Variants in SMIM21 observed in about 807,000 individuals in gnomAD.
SMIM21 encodes the protein chromosome 18 open reading frame 62.
Under a neutral mutation model 8.6 loss-of-function variants are expected in SMIM21, and 8 were observed. The ratio of observed to expected loss-of-function variants is 0.93; its 90% confidence interval spans 0.55 to 1.68. The LOEUF (loss-of-function observed/expected upper bound fraction) is 1.68. Ranked by LOEUF, SMIM21 falls within the 40% of genes most tolerant of loss-of-function variation. The pLI is 0.00. For missense variants in SMIM21, 132 were observed against 123.0 expected (o/e 1.07, Z -0.35); for synonymous variants, 43 against 41.7 (o/e 1.03, Z -0.12).
chr18:75,424,982 C>G (rs1024769135), intron 1 of SMIM21, among the ~76,000 whole-genome samples: 3 of 152,188 alleles, frequency 2.0e-5, no homozygotes, highest in Non-Finnish European at 2.9e-5. Flanking sequence ...ACAGGCCAAG[C>G]CTGGTAGTGG....
intron 2 of SMIM21, among the ~76,000 whole-genome samples, chr18:75,414,106 C>CACAT (rs2024615432): frequency 1.4e-5 from 2 of 139,914 alleles, no homozygotes; most frequent in Admixed American, 7.1e-5. Flanking sequence ...CATACACACA[C>CACAT]ACACACACAC....
chr18:75,417,455 A>G (rs2024658835), intron 2 of SMIM21: 1 of 152,192 alleles, frequency 6.6e-6, no homozygotes, highest in South Asian at 2.1e-4. Context: ...AACTCATGGG[A>G]TATTGGCTTG....
chr18:75,424,216 G>A (rs933079204), intron 1 of SMIM21, among the ~76,000 whole-genome samples: 2 of 152,130 alleles, frequency 1.3e-5, no homozygotes. Flanking sequence ...AAAATAAGTA[G>A]CAAATACAAT....
chr18:75,419,832 T>C (rs2024690350), intron 1 of SMIM21, among the ~76,000 whole-genome samples: 1 of 152,222 alleles, frequency 6.6e-6, no homozygotes, highest in Non-Finnish European at 1.5e-5. Flanking sequence ...TTATCCTTTC[T>C]GTGGCTGGTG....
At chr18:75,413,108 A>C (rs2024600452) in intron 2 of SMIM21, among the ~76,000 whole-genome samples, 4 of 151,718 alleles carry the variant, frequency 2.6e-5, no homozygotes, top group Admixed American at 2.6e-4. Flanking sequence ...CTCCACGCTG[A>C]TGCTCCTGGG....
chr18:75,426,300 TTTG>T (rs777973778), intron 1 of SMIM21, among the ~76,000 whole-genome samples: 40,181 of 151,744 alleles, frequency 0.26, 6,346 homozygotes, highest in Middle Eastern at 0.37. Context: ...TATTTGTTTG[TTTG>T]TTTGTTTGTT....
chr18:75,422,590 T>C (rs1267198675), intron 1 of SMIM21, among the ~76,000 whole-genome samples: 2 of 152,184 alleles, frequency 1.3e-5, no homozygotes, highest in African/African-American at 4.8e-5. Context: ...TGAATGGATA[T>C]ACTAAATTTG....
At chr18:75,412,530 G>T (rs1236596991) in intron 2 of SMIM21, 2 of 152,232 alleles carry the variant, frequency 1.3e-5, no homozygotes, top group Admixed American at 1.3e-4. Context: ...GGATGCTGCT[G>T]AGAATCGGGC....
intron 2 of SMIM21, 86 bp downstream of exon 2, chr18:75,418,700 T>TG (rs1460419114): frequency 1.5e-6 from 2 of 1,332,300 alleles, no homozygotes; most frequent in South Asian, 3.6e-5. Flanking sequence ...ATGTTCTAGT[T>TG]TTTTTTTAAC....
rs774551341 is a variant in SMIM21, at chr18:75,418,892, A to C, written c.154T>G (p.Phe52Val). ...TTFENEHHIR[F>V]FTLLVLFHVM... ...TGGAAAAGAACCAACAATGTGAAGA[A>C]ACGAATATGGTGTTCATTTTCAAAC... The change falls in exon 2 of 3, where the codon TTC becomes GTC. Residue 52 changes from phenylalanine to valine, a missense_variant. Phe to Val is a conservative substitution (Grantham distance 50). Transcript: ENST00000579022. The C allele has an allele frequency of 5.0e-6, 8 of 1,602,186 alleles. No individual in the cohort carries two copies. The highest frequency in any genetic ancestry group is 6.8e-6 in the Non-Finnish European group (8 of 1,169,250).
chr18:75,415,658 C>G (rs2024636292), intron 2 of SMIM21, among the ~76,000 whole-genome samples: 2 of 152,330 alleles, frequency 1.3e-5, no homozygotes, highest in South Asian at 4.1e-4. Flanking sequence ...CACACACAGA[C>G]TCAACTAAAG....
At chr18:75,417,734 T>A (rs2144552126) in intron 2 of SMIM21, 1 of 152,572 alleles carries the variant, frequency 6.6e-6, no homozygotes, top group African/African-American at 2.4e-5. Context: ...CCAGGAGAAA[T>A]GTTGGCCGCA....
At chr18:75,424,263 G>A (rs1411568666) in intron 1 of SMIM21, among the ~76,000 whole-genome samples, 1 of 152,092 alleles carries the variant, frequency 6.6e-6, no homozygotes, top group Non-Finnish European at 1.5e-5. Context: ...ATTTTATTAC[G>A]GGTGTCCACG....
rs769525719 is a variant in SMIM21, at chr18:75,418,921, A to G, written c.130-5T>C. ...AATATGGTGTTCATTTTCAAACTGA[A>G]AAAGGAAATAATTACAGTTACTATT... is the stretch of plus-strand genomic sequence containing the variant. On this transcript the variant is annotated splice_region_variant and splice_polypyrimidine_tract_variant and intron_variant, in intron 1 of 2. Coordinates refer to ENST00000579022, the MANE Select transcript of SMIM21 (RefSeq NM_001037331.3). 17 of 1,579,950 alleles carry G rather than the reference A, an allele frequency of 1.1e-5. No individual in the cohort carries two copies. The South Asian group carries it at 1.7e-4, about 16-fold the overall frequency.
intron 1 of SMIM21, among the ~76,000 whole-genome samples, chr18:75,420,425 T>G (rs1371948926): frequency 6.6e-6 from 1 of 152,234 alleles, no homozygotes; most frequent in Non-Finnish European, 1.5e-5. Context: ...TCTCTCTTTT[T>G]TTAAATTTAA....
At chr18:75,418,698 G>GT (rs3214645) in intron 2 of SMIM21, 88 bp downstream of exon 2, 402,670 of 1,167,382 alleles carry the variant, frequency 0.34, 70,143 homozygotes, top group East Asian at 0.71. Flanking sequence ...GAATGTTCTA[G>GT]TTTTTTTTTA....
At chr18:75,412,364 A>G (rs1198772364) in intron 2 of SMIM21, 1 of 152,260 alleles carries the variant, frequency 6.6e-6, no homozygotes, top group Non-Finnish European at 1.5e-5. Flanking sequence ...CAATTGCTAT[A>G]TAAAACCTGA....
intron 1 of SMIM21, among the ~76,000 whole-genome samples, chr18:75,420,967 A>G (rs2024702186): frequency 6.6e-6 from 1 of 152,174 alleles, no homozygotes; most frequent in Admixed American, 6.5e-5. Flanking sequence ...CCAATGAGCC[A>G]TTCTTAACGG....
chr18:75,427,356 A>C (rs1318970614), intron 1 of SMIM21, 79 bp downstream of exon 1: 9 of 1,457,502 alleles, frequency 6.2e-6, no homozygotes, highest in Non-Finnish European at 8.3e-6. Context: ...AGATTGGGGC[A>C]AAAGAGTGCT....
Sources: gnomAD v4.1 joint callset for allele counts (sites outside exome capture counted in the v4.1 genomes callset) on GRCh38, gnomAD v4.1.1 for gene constraint, MANE v1.5 for transcripts, NCBI Gene and HGNC (gene_info 2026-07-23, HGNC 2026-07-21) for gene names.